The following INSR variants were observed in gnomAD, a reference collection of about 807,000 sequenced individuals.
INSR encodes the protein insulin receptor, also known as IR.
INSR carries 67 observed loss-of-function variants against 142.6 expected under a neutral mutation model. That is an observed-to-expected ratio of 0.47 (90% confidence interval 0.39 to 0.58). INSR has a LOEUF of 0.58. INSR is among the 20% of genes least tolerant of loss of function. The pLI is 0.00. For synonymous variants in INSR, 756 were observed against 743.1 expected (o/e 1.02, Z -0.28); for missense variants, 1,248 against 1,833.2 (o/e 0.68, Z 5.83).
chr19:7,184,665 A>G lies in INSR; in HGVS notation c.653-28T>C, dbSNP rs3997563. On this transcript the variant is annotated intron_variant, in intron 2 of 21. Coordinates refer to ENST00000302850, the MANE Select transcript of INSR (RefSeq NM_000208.4). ...GGAGAGAGAGAGAGAGAGAGAGGGAAATAAATAAATAAATAAATAAATAAA... is the reference window on the plus strand; with the variant it reads ...GGAGAGAGAGAGAGAGAGAGAGGGAGATAAATAAATAAATAAATAAATAAA... The G allele has an allele frequency of 1.1e-3, 672 of 624,112 alleles. 2 individuals are homozygous for G. In the African/African-American group the frequency reaches 0.024, roughly 23 times the overall value. The allele number at this position is 624,112 out of a possible 1,614,324, so 38.7% of individuals were successfully genotyped here.
chr19:7,207,930 A>G lies in INSR; in HGVS notation c.653-23293T>C, dbSNP rs1445293089. On this transcript the variant is annotated intron_variant, in intron 2 of 21. Transcript: ENST00000302850. ...GAAGGAAGGAAGGAAGGAAGGAAGG[A>G]AGGAAGGAAGGGAAGGAGGGAGGGA... Among the ~76,000 whole-genome samples, 207 of 127,752 alleles carry G rather than the reference A, an allele frequency of 1.6e-3. 2 individuals carry two copies. Among genetic ancestry groups the G allele is most frequent in the African/African-American group, 5.9e-3 (199 of 33,514 alleles). 83.8% of individuals were successfully genotyped at this position (127,752 alleles called of 152,430 possible).
intron 2 of INSR, among the ~76,000 whole-genome samples, chr19:7,249,051 G>A (rs762895103): frequency 1.2e-4 from 18 of 152,026 alleles, no homozygotes; most frequent in South Asian, 2.1e-4. Context: ...GAGTTACTGC[G>A]CCCATGTCCC....
At chr19:7,259,153 CCTTTT>C (rs959466429) in intron 2 of INSR, among the ~76,000 whole-genome samples, 5 of 142,116 alleles carry the variant, frequency 3.5e-5, no homozygotes, top group Non-Finnish European at 6.2e-5. Flanking sequence ...TTTTTTCCTT[CCTTTT>C]CTTTTCTTTC....
At chr19:7,181,243 G>T (rs1377762813) in intron 3 of INSR, among the ~76,000 whole-genome samples, 1 of 152,128 alleles carries the variant, frequency 6.6e-6, no homozygotes, top group African/African-American at 2.4e-5. Flanking sequence ...ACCGCGCCTG[G>T]CCCAGGTGGC....
At chr19:7,202,401 T>C (rs1376034441) in intron 2 of INSR, among the ~76,000 whole-genome samples, 1 of 152,220 alleles carries the variant, frequency 6.6e-6, no homozygotes, top group Non-Finnish European at 1.5e-5. Flanking sequence ...TTTGTCTCCA[T>C]GTTCACATCA....
At chr19:7,245,480 C>T (rs55649559) in intron 2 of INSR, among the ~76,000 whole-genome samples, 23,714 of 152,054 alleles carry the variant, frequency 0.16, 2,047 homozygotes, top group Non-Finnish European at 0.19. Flanking sequence ...GACAGAATCT[C>T]GCTCTGTCAC....
chr19:7,151,210 T>TTCTTTC lies in INSR; in HGVS notation c.2232-679_2232-678insGAAAGA, dbSNP rs1262930135. On this transcript the variant is annotated intron_variant, in intron 10 of 21. Transcript: ENST00000302850. ...TTTCTTTCTTTCTTTCTTTCTTTCTTTTTCTTTCTCTCTTCCTTCCTTCCT... is the reference window on the plus strand; with the variant it reads ...TTTCTTTCTTTCTTTCTTTCTTTCTTTCTTTCTTTCTTTCTCTCTTCCTTCCTTCCT... Among the ~76,000 whole-genome samples the TTCTTTC allele has an allele frequency of 8.6e-4, 114 of 132,390 alleles. 1 individual carries two copies. The highest frequency in any genetic ancestry group is 3.1e-3 in the African/African-American group (110 of 35,548). 86.9% of individuals were successfully genotyped at this position (132,390 alleles called of 152,430 possible). A position where few individuals can be genotyped will look rare whatever the true frequency, so the allele number is the denominator to read the frequency against.
chr19:7,197,246 T>C (rs934334323), intron 2 of INSR, among the ~76,000 whole-genome samples: 5 of 152,364 alleles, frequency 3.3e-5, no homozygotes, highest in African/African-American at 1.2e-4. Context: ...ACGGCGCATA[T>C]AGAGGCTAGA....
intron 2 of INSR, among the ~76,000 whole-genome samples, chr19:7,241,774 T>G (rs369170708): frequency 9.9e-5 from 15 of 152,070 alleles, no homozygotes; most frequent in African/African-American, 1.9e-4. Context: ...CTTCCTGTAA[T>G]GTACAGGGCA....
chr19:7,189,044 C>A (rs1054952337), intron 2 of INSR, among the ~76,000 whole-genome samples: 1 of 152,022 alleles, frequency 6.6e-6, no homozygotes, highest in Non-Finnish European at 1.5e-5. Flanking sequence ...CTATAATTAT[C>A]ATAATTATCA....
At chr19:7,241,227 G>A (rs1052837204) in intron 2 of INSR, among the ~76,000 whole-genome samples, 3 of 149,484 alleles carry the variant, frequency 2.0e-5, no homozygotes, top group African/African-American at 7.4e-5. Flanking sequence ...TGTCCAGGCT[G>A]GAGTGCAGTG....
chr19:7,210,939 AGG>A (rs558105263), intron 2 of INSR, among the ~76,000 whole-genome samples: 61 of 152,182 alleles, frequency 4.0e-4, no homozygotes, highest in African/African-American at 1.5e-3. Context: ...CATGTTGGCG[AGG>A]CTGGTCTCTA....
chr19:7,198,411 T>C (rs1472918906), intron 2 of INSR, among the ~76,000 whole-genome samples: 2 of 152,070 alleles, frequency 1.3e-5, no homozygotes, highest in Admixed American at 6.5e-5. Context: ...GATGGAACTT[T>C]GGAAAAAGCT....
Position 7,125,216 on chromosome 19 carries a change from G to T in INSR, c.3258+67C>A. The T allele has an allele frequency of 2.5e-6, 4 of 1,595,696 alleles. No homozygotes were observed. Among genetic ancestry groups the T allele is most frequent in the South Asian group, 2.2e-5 (2 of 90,332 alleles). ...CCTGTGTCCTCTGTCGCTCTGTGCA[G>T]GAGGAGGAGGCAGAGAAAGGGAAGG... On this transcript the variant is annotated intron_variant, in intron 17 of 21. Transcript: ENST00000302850. The surrounding 1 kb of genome is among the most constrained non-coding windows in gnomAD (Gnocchi z 4.9).
In INSR at chr19:7,197,564, G is replaced by T. The variant is rs1337584512; in HGVS notation, c.653-12927C>A. On this transcript the variant is annotated intron_variant, in intron 2 of 21. Transcript: ENST00000302850. ...GTGTGTGTCAGGTTCCAGAGTGGGA[G>T]TGTGTGTGTTTGGGTGTGTGTGTGT... Among the ~76,000 whole-genome samples, 22 of 75,580 alleles carry T rather than the reference G, an allele frequency of 2.9e-4. 3 individuals carry two copies. The highest frequency in any genetic ancestry group is 1.3e-3 in the African/African-American group (22 of 16,868). The allele number at this position is 75,580 out of a possible 152,430, so 49.6% of individuals were successfully genotyped here.
At chr19:7,170,957 C>A (rs1974003569) in intron 5 of INSR, among the ~76,000 whole-genome samples, 2 of 152,038 alleles carry the variant, frequency 1.3e-5, no homozygotes, top group Admixed American at 1.3e-4. Context: ...AGGCTCAGCT[C>A]AGTCTTGAAG....
intron 13 of INSR, 90 bp from the exon 14 acceptor site, chr19:7,132,407 C>T (rs1391542684): frequency 6.8e-7 from 1 of 1,461,128 alleles, no homozygotes; most frequent in Non-Finnish European, 9.4e-7. Context: ...AGCCAGGATC[C>T]TGCTCAGAAA....
intron 2 of INSR, among the ~76,000 whole-genome samples, chr19:7,197,924 T>A (rs1293259720): frequency 0.013 from 1,302 of 97,106 alleles, 25 homozygotes; most frequent in African/African-American, 0.022. Flanking sequence ...TGAGAGTGTG[T>A]GTGTGTGTGT....
chr19:7,252,898 A>C (rs1976771790), intron 2 of INSR, among the ~76,000 whole-genome samples: 2 of 151,550 alleles, frequency 1.3e-5, no homozygotes, highest in South Asian at 4.1e-4. Flanking sequence ...GGCAGATCAC[A>C]AGGTCAAGAG....
Sources: allele counts gnomAD v4.1 joint callset (sites outside exome capture counted in the v4.1 genomes callset), GRCh38; gene constraint gnomAD v4.1.1; non-coding constraint Gnocchi (gnomAD v3.1); transcripts MANE v1.5; gene names NCBI Gene and HGNC (gene_info 2026-07-23, HGNC 2026-07-21).